Variants in COL4A1 observed in about 807,000 individuals in gnomAD.
The protein encoded by COL4A1 is collagen alpha-1(IV) chain.
Under a neutral mutation model 216.6 loss-of-function variants are expected in COL4A1, and 40 were observed. The observed-to-expected ratio is 0.18, with a 90% CI of 0.14 to 0.24. The LOEUF (loss-of-function observed/expected upper bound fraction) is 0.24, where lower values mean the gene tolerates loss of function less well. Among genes scored for constraint, COL4A1 ranks in the 10% least tolerant of loss-of-function variants. The pLI is 1.00. For missense variants in COL4A1, 1,628 were observed against 2,196.8 expected, an observed-to-expected ratio of 0.74 and a Z score of 5.18; for synonymous variants, 839 against 810.7, an observed-to-expected ratio of 1.03 and a Z score of -0.59.
At chr13:110,151,764 C>T (rs1566332056) in intron 51 of COL4A1, among the ~76,000 whole-genome samples, 1 of 152,178 alleles carries the variant, frequency 6.6e-6, no homozygotes, top group Non-Finnish European at 1.5e-5. Context: ...ACCGGCCCGG[C>T]TCCCAGTCAA....
intron 2 of COL4A1, among the ~76,000 whole-genome samples, chr13:110,219,670 A>ATATGTGTG (rs1555307846): frequency 1.8e-4 from 13 of 72,610 alleles, no homozygotes; most frequent in Admixed American, 9.6e-4. Flanking sequence ...ATGTATATAT[A>ATATGTGTG]TATATATGTG....
rs75047119 is a variant in COL4A1, at chr13:110,235,792, C to T, written c.144+6883G>A. Among the ~76,000 whole-genome samples the T allele has an allele frequency of 8.7e-3, 1,320 of 152,124 alleles. 8 individuals carry two copies. Among genetic ancestry groups the T allele is most frequent in the Non-Finnish European group, 0.015 (988 of 67,988 alleles). ...TAACAAGGAATAACAGGAGAAGAGC[C>T]AGTCCATCTATCTATATGGTGGAAT... On this transcript the variant is annotated intron_variant, in intron 2 of 51. Transcript: ENST00000375820.
chr13:110,178,368 GT>G, intron 31 of COL4A1, 137 bp from the exon 32 acceptor site: 1 of 1,042,642 alleles, frequency 9.6e-7, no homozygotes, highest in Non-Finnish European at 1.4e-6. Context: ...TGGATCATCT[GT>G]TAGGTGTTGG....
intron 4 of COL4A1, among the ~76,000 whole-genome samples, chr13:110,213,248 T>C (rs1299906502): frequency 6.7e-6 from 1 of 149,120 alleles, no homozygotes; most frequent in Non-Finnish European, 1.5e-5. Flanking sequence ...AAACACCACC[T>C]GTACCAAAAA....
At chr13:110,181,163 T>C (rs890046741) in intron 29 of COL4A1, 129 bp downstream of exon 29, 56 of 783,384 alleles carry the variant, frequency 7.1e-5, no homozygotes, top group Middle Eastern at 3.1e-4. Context: ...TTCTATTCTA[T>C]GTTATTTCAT....
At chr13:110,227,235 C>A (rs1280159152) in intron 2 of COL4A1, among the ~76,000 whole-genome samples, 1 of 152,068 alleles carries the variant, frequency 6.6e-6, no homozygotes, top group Non-Finnish European at 1.5e-5. Flanking sequence ...TGGAAACAGA[C>A]CAACTGGGTT....
rs1287279845 is a variant in COL4A1 at position 110,306,979 on chromosome 13, G to A, written c.49C>T (p.Leu17=). 1 of 1,477,780 alleles carries A rather than the reference G, an allele frequency of 6.8e-7. No homozygotes were observed. The allele number at this position is 1,477,780 out of a possible 1,614,324, so 91.5% of individuals were successfully genotyped here. A position where few individuals can be genotyped will look rare whatever the true frequency, so the allele number is the denominator to read the frequency against. ...GCCCGGCTGTGCTCCTCGTGGAGCA[G>A]AAGGGCGGCGGGCAGCAGCAGCAGC... ...VWLLLLPAAL[L]LHEEHSRAAA... Residue 17 remains leucine, a synonymous_variant, in exon 1 of 52, where the codon CTG becomes TTG. Transcript: ENST00000375820.
intron 49 of COL4A1, among the ~76,000 whole-genome samples, chr13:110,158,642 A>G (rs751655214): frequency 2.6e-5 from 4 of 152,160 alleles, no homozygotes; most frequent in Non-Finnish European, 5.9e-5. Context: ...TCATTATCTT[A>G]ATATGTAAAA....
At chr13:110,256,761 T>C (rs1419080516) in intron 1 of COL4A1, among the ~76,000 whole-genome samples, 1 of 152,106 alleles carries the variant, frequency 6.6e-6, no homozygotes, top group African/African-American at 2.4e-5. Flanking sequence ...GTCTATCCGA[T>C]ACTTTCAGCA....
intron 48 of COL4A1, among the ~76,000 whole-genome samples, chr13:110,161,619 T>C (rs112033101): frequency 8.5e-5 from 13 of 152,378 alleles, no homozygotes; most frequent in African/African-American, 2.6e-4. Context: ...ATACGATGGA[T>C]AGTAACAAAT....
chr13:110,179,871 T>C (rs1878067789), intron 29 of COL4A1, among the ~76,000 whole-genome samples: 1 of 152,184 alleles, frequency 6.6e-6, no homozygotes, highest in African/African-American at 2.4e-5. Flanking sequence ...TTTTTTGGAT[T>C]AATGAAGGTT....
At chr13:110,167,066 T>C in intron 44 of COL4A1, 92 bp downstream of exon 44, 1 of 967,284 alleles carries the variant, frequency 1.0e-6, no homozygotes, top group Non-Finnish European at 1.7e-6. Flanking sequence ...ATGGCAGCGG[T>C]GCTATCAGTG....
intron 34 of COL4A1, 47 bp downstream of exon 34, chr13:110,176,838 G>C: frequency 6.2e-7 from 1 of 1,614,022 alleles, no homozygotes; most frequent in Non-Finnish European, 8.5e-7. Flanking sequence ...CCCAGGAAAG[G>C]CACATTGTGG....
intron 41 of COL4A1, among the ~76,000 whole-genome samples, chr13:110,171,490 TA>T (rs569297245): frequency 3.9e-4 from 60 of 152,288 alleles, no homozygotes; most frequent in East Asian, 1.7e-3. Context: ...AGAGCAGGTT[TA>T]AAAAATTAAA....
chr13:110,169,299 T>C (rs887706580), intron 43 of COL4A1, among the ~76,000 whole-genome samples: 24 of 152,222 alleles, frequency 1.6e-4, no homozygotes, highest in Admixed American at 1.4e-3. Context: ...GCTTGCTTTT[T>C]ACATTGAGTT....
intron 1 of COL4A1, among the ~76,000 whole-genome samples, chr13:110,272,711 T>A (rs1883289068): frequency 6.6e-6 from 1 of 152,232 alleles, no homozygotes; most frequent in Non-Finnish European, 1.5e-5. Context: ...GCCTAATCCT[T>A]TTCTTGCCAA....
chr13:110,189,221 A>G (rs573018131), intron 24 of COL4A1, among the ~76,000 whole-genome samples: 1 of 152,162 alleles, frequency 6.6e-6, no homozygotes, highest in East Asian at 1.9e-4. Flanking sequence ...ACGCCACCAC[A>G]CCCAGTTAAT....
rs1877518573 is a variant in COL4A1, at chr13:110,169,733, G to C, written c.3772C>G (p.Leu1258Val). 1 of 1,614,070 alleles carries C rather than the reference G, an allele frequency of 6.2e-7. No individual in the cohort carries two copies. Among genetic ancestry groups the C allele is most frequent in the East Asian group, 2.2e-5 (1 of 44,846 alleles). ...CCTTTAACTCCATCAATCCCAGGAA[G>C]CCCTGGAGGCCCCATGGGTCCCGGA... ...GLPGPMGPPG[L>V]PGIDGVKGDK... Residue 1258 changes from leucine (L) to valine (V), a missense_variant, in exon 43 of 52, where the codon CTT (leucine) becomes GTT (valine). Transcript: ENST00000375820.
chr13:110,268,154 C>T lies in COL4A1; in HGVS notation c.85-25420G>A, dbSNP rs1425175863. On this transcript the variant is annotated intron_variant, in intron 1 of 51. Coordinates refer to ENST00000375820, the MANE Select transcript of COL4A1 (RefSeq NM_001845.6). This position sits in a 1 kb window ranked among gnomAD's most constrained non-coding sequence, Gnocchi z 4.1. ...AGACATTCACTGGCCTCAGTCAACC[C>T]CTAGCATATAAAGACAAGGGGCCAG... 1.3e-5 allele frequency among the ~76,000 whole-genome samples: 2 copies of T among 152,204 alleles called. No homozygotes were observed. The highest frequency in any genetic ancestry group is 3.9e-4 in the East Asian group (2 of 5,192).
Sources: gnomAD v4.1 joint callset for allele counts (sites outside exome capture counted in the v4.1 genomes callset) on GRCh38, gnomAD v4.1.1 for gene constraint, Gnocchi (gnomAD v3.1) non-coding constraint, MANE v1.5 for transcripts, NCBI Gene and HGNC (gene_info 2026-07-23, HGNC 2026-07-21) for gene names.